Variants in APBB1IP observed in about 807,000 individuals in gnomAD.
The protein encoded by APBB1IP is amyloid beta precursor protein binding family B member 1 interacting protein.
APBB1IP carries 27 observed loss-of-function variants against 64.9 expected under a neutral mutation model. The observed-to-expected ratio is 0.42, with a 90% CI of 0.31 to 0.57. APBB1IP has a LOEUF of 0.57. APBB1IP is among the 20% of genes least tolerant of loss of function. APBB1IP has a pLI of 0.20. For missense variants in APBB1IP, 812 were observed against 845.5 expected (o/e 0.96, Z 0.49); for synonymous variants, 392 against 331.0 (o/e 1.18, Z -2.00).
At chr10:26,501,952 T>G (rs1316450374) in intron 5 of APBB1IP, 2 of 152,198 alleles carry the variant, frequency 1.3e-5, no homozygotes, top group African/African-American at 2.4e-5. Flanking sequence ...AGTGCTCTAT[T>G]GTGTACTTAT....
chr10:26,513,544 T>C lies in APBB1IP; in HGVS notation c.697T>C (p.Phe233Leu), dbSNP rs755589060. 11 of 1,611,340 alleles carry C rather than the reference T, an allele frequency of 6.8e-6. No individual in the cohort carries two copies. The Admixed American group carries it at 1.7e-4, about 25-fold the overall frequency. ...ACCTTTTCTTATTTCATCAGAGAGG[T>C]TTTTTGAAGACCATGAAAATGTTGT... ...EIYPELQIERFFEDHENVVEV... is the reference protein window; with the variant it reads ...EIYPELQIERLFEDHENVVEV... Residue 233 changes from phenylalanine to leucine, a missense_variant, in exon 8 of 15, where the codon TTT becomes CTT. Phe to Leu is a conservative substitution (Grantham distance 22). This residue lies in a region of APBB1IP where 394 missense variants were observed against 413.1 expected (regional missense o/e 0.95). Transcript: ENST00000376236.
chr10:26,557,323 G>A (rs1318672496), intron 11 of APBB1IP, among the ~76,000 whole-genome samples: 2 of 152,202 alleles, frequency 1.3e-5, no homozygotes, highest in South Asian at 2.1e-4. Context: ...AGTTCTCACC[G>A]TCGGTAGAGA....
Position 26,474,483 on chromosome 10 carries a change from A to G in APBB1IP, c.1-17844A>G, listed in dbSNP as rs574712457. Among the ~76,000 whole-genome samples the G allele has an allele frequency of 2.0e-5, 3 of 152,342 alleles. No individual in the cohort carries two copies. The East Asian group carries it at 5.8e-4, about 29-fold the overall frequency. ...TTGCACTAGAAAATGTTCATCTTCC[A>G]GTTGATGTTGAATGTTCTCTCCACA... On this transcript the variant is annotated intron_variant, in intron 2 of 14. Transcript: ENST00000376236.
chr10:26,456,702 G>A (rs543299446), intron 2 of APBB1IP, among the ~76,000 whole-genome samples: 116 of 125,224 alleles, frequency 9.3e-4, no homozygotes, highest in African/African-American at 3.5e-3. Flanking sequence ...TCATGCCACC[G>A]CACTCCAGCC....
At chr10:26,445,937 G>T (rs1439789645) in intron 2 of APBB1IP, among the ~76,000 whole-genome samples, 4 of 152,170 alleles carry the variant, frequency 2.6e-5, no homozygotes, top group Admixed American at 2.0e-4. Context: ...TCAAGCCAGG[G>T]TAATAACGAA....
At chr10:26,471,796 A>G (rs551289244) in intron 2 of APBB1IP, among the ~76,000 whole-genome samples, 1 of 152,052 alleles carries the variant, frequency 6.6e-6, no homozygotes, top group East Asian at 1.9e-4. Flanking sequence ...GCGATTCCCC[A>G]GCCTGAGCCT....
intron 10 of APBB1IP, among the ~76,000 whole-genome samples, chr10:26,538,268 G>A (rs1836652557): frequency 6.6e-6 from 1 of 152,130 alleles, no homozygotes. Flanking sequence ...AATAAACTCA[G>A]CAAGAAATGT....
chr10:26,567,462 C>G lies in APBB1IP; in HGVS notation c.1975C>G (p.Gln659Glu), dbSNP rs1287433427. 6.3e-7 allele frequency: 1 copy of G among 1,597,342 alleles called. No homozygotes were observed. The highest frequency in any genetic ancestry group is 8.6e-7 in the Non-Finnish European group (1 of 1,168,750). ...CATGTCAGACCTCATGAAAGCTTTG[C>G]AAAAGAAGAGAGGCAACGTGTCCTA... ...DFMSDLMKAL[Q>E]KKRGNVS The change falls in exon 15 of 15, where the codon CAA becomes GAA. Residue 659 changes from glutamine (Q) to glutamate (E), a missense_variant. Gln to Glu is a conservative substitution (Grantham distance 29). Coordinates refer to ENST00000376236, the MANE Select transcript of APBB1IP (RefSeq NM_019043.4).
chr10:26,558,001 ATAGATGCT>A (rs1836915359), intron 11 of APBB1IP, among the ~76,000 whole-genome samples: 1 of 152,158 alleles, frequency 6.6e-6, no homozygotes, highest in Admixed American at 6.5e-5. Context: ...TGAAGAGCAG[ATAGATGCT>A]TCCAGCTCTC....
At chr10:26,445,164 G>GA (rs1218663541) in intron 2 of APBB1IP, among the ~76,000 whole-genome samples, 1 of 147,156 alleles carries the variant, frequency 6.8e-6, no homozygotes, top group Admixed American at 6.8e-5. Context: ...AAGAAAGAAA[G>GA]AAAGAAAGAA....
rs1837060034 is a variant in APBB1IP, at chr10:26,567,193, C to A, written c.1706C>A (p.Pro569Gln). 2 of 1,403,118 alleles carry A rather than the reference C, an allele frequency of 1.4e-6. No individual in the cohort carries two copies. Among genetic ancestry groups the A allele is most frequent in the South Asian group, 2.8e-5 (2 of 70,296 alleles). The allele number at this position is 1,403,118 out of a possible 1,614,324, so 86.9% of individuals were successfully genotyped here. ...CCGCCCCTCGATGACCCTGAGCTCC[C>A]GCCGCCGCCCCCGGACTTCATGGAG... ...PPPPLDDPEL[P>Q]PPPPDFMEPP... Residue 569 changes from proline to glutamine, a missense_variant, in exon 15 of 15, where the codon CCG becomes CAG. Coordinates refer to ENST00000376236, the MANE Select transcript of APBB1IP (RefSeq NM_019043.4).
At chr10:26,540,087 T>A (rs985414566) in intron 10 of APBB1IP, among the ~76,000 whole-genome samples, 2 of 152,214 alleles carry the variant, frequency 1.3e-5, no homozygotes, top group African/African-American at 4.8e-5. Flanking sequence ...GCTTGACGAA[T>A]CTATCTCACA....
At position 26,481,370 on chromosome 10, in the gene APBB1IP, T is replaced by C. The variant is rs144326332; in HGVS notation, c.1-10957T>C. Among the ~76,000 whole-genome samples the C allele has an allele frequency of 7.2e-3, 1,093 of 152,318 alleles. 13 individuals carry two copies. The highest frequency in any genetic ancestry group is 0.025 in the African/African-American group (1,045 of 41,572). On this transcript the variant is annotated intron_variant, in intron 2 of 14. Coordinates refer to ENST00000376236, the MANE Select transcript of APBB1IP (RefSeq NM_019043.4). Reference sequence around the variant, plus strand: ...CCCACTTATTTCCAAATTGCTTTGATTTTATGCAAAACATAAATTTTTCAC... The same window carrying C: ...CCCACTTATTTCCAAATTGCTTTGACTTTATGCAAAACATAAATTTTTCAC...
At chr10:26,508,921 T>C (rs1455620749) in intron 6 of APBB1IP, among the ~76,000 whole-genome samples, 1 of 152,224 alleles carries the variant, frequency 6.6e-6, no homozygotes, top group East Asian at 1.9e-4. Flanking sequence ...GCAACATATG[T>C]TTTATTTTCT....
intron 8 of APBB1IP, among the ~76,000 whole-genome samples, chr10:26,530,516 C>G (rs1836538192): frequency 6.6e-6 from 1 of 151,820 alleles, no homozygotes; most frequent in Admixed American, 6.6e-5. Context: ...ATGGTGAAAC[C>G]CCGTCTCTAC....
chr10:26,444,792 G>C (rs188268625), intron 2 of APBB1IP, among the ~76,000 whole-genome samples: 1 of 152,114 alleles, frequency 6.6e-6, no homozygotes, highest in Admixed American at 6.5e-5. Context: ...TTTGCCCAAG[G>C]CTACACAGTT....
At chr10:26,508,144 C>T (rs924539941) in intron 6 of APBB1IP, among the ~76,000 whole-genome samples, 2 of 152,148 alleles carry the variant, frequency 1.3e-5, no homozygotes, top group African/African-American at 4.8e-5. Context: ...AAAAGAATAA[C>T]CGCAATGTAC....
At chr10:26,459,657 TTC>T (rs1216827033) in intron 2 of APBB1IP, among the ~76,000 whole-genome samples, 2 of 152,230 alleles carry the variant, frequency 1.3e-5, no homozygotes, top group African/African-American at 2.4e-5. Flanking sequence ...TGAAATTTTC[TTC>T]TCTGTTTCCT....
chr10:26,516,729 A>G (rs1359412031), intron 8 of APBB1IP, among the ~76,000 whole-genome samples: 1 of 151,756 alleles, frequency 6.6e-6, no homozygotes, highest in East Asian at 1.9e-4. Context: ...CCCTGTGGAG[A>G]TATTTAACCT....
Sources: allele counts gnomAD v4.1 joint callset (sites outside exome capture counted in the v4.1 genomes callset), GRCh38; gene constraint gnomAD v4.1.1; regional missense constraint gnomAD v4.1.1; transcripts MANE v1.5; gene names NCBI Gene and HGNC (gene_info 2026-07-23, HGNC 2026-07-21).